Variants in RESF1 observed in about 807,000 individuals in gnomAD.
RESF1 encodes the protein retroelement silencing factor 1.
A neutral mutation model predicts 134.7 loss-of-function variants in RESF1; 65 were observed. That is an observed-to-expected ratio of 0.48 (90% confidence interval 0.40 to 0.59). The LOEUF (loss-of-function observed/expected upper bound fraction) is 0.59. RESF1 is among the 20% of genes least tolerant of loss of function. RESF1 has a pLI of 0.00. For missense variants in RESF1, 2,274 were observed against 2,002.7 expected (o/e 1.14, Z -2.59); for synonymous variants, 762 against 702.2 (o/e 1.09, Z -1.35).
In RESF1 at chr12:31,981,651, A is replaced by G. The variant is rs139111878; in HGVS notation, c.696A>G (p.Gln232=). ...GCTTTTTACCAGATTCTACCATTCA[A>G]AAACAAAACTTTATACCACATACAT... ...PQSFLPDSTI[Q]KQNFIPHTSL... Residue 232 remains glutamine, a synonymous_variant, in exon 4 of 6, where the codon CAA becomes CAG. Transcript: ENST00000312561. The G allele has an allele frequency of 7.4e-5, 120 of 1,614,060 alleles. No homozygotes were observed. In the African/African-American group the frequency reaches 1.3e-3, roughly 17 times the overall value.
Position 31,984,011 on chromosome 12 carries a change from A to T in RESF1, c.3056A>T (p.Asp1019Val). The change falls in exon 4 of 6, where the codon GAT becomes GTT. Residue 1019 changes from aspartate (D) to valine (V), a missense_variant. Asp to Val is a radical substitution (Grantham distance 152). Transcript: ENST00000312561. ...TGCTCGTCAGCTGCTATTCAGGAGG[A>T]TATTTACCCTCAGGAAATAGATGCA... ...DTCSSAAIQEDIYPQEIDASS... is the reference protein window; with the variant it reads ...DTCSSAAIQEVIYPQEIDASS... The T allele has an allele frequency of 6.2e-7, 1 of 1,613,996 alleles. No homozygotes were observed. The highest frequency in any genetic ancestry group is 8.5e-7 in the Non-Finnish European group (1 of 1,179,964).
chr12:31,974,225 A>G (rs1255025645), intron 3 of RESF1, among the ~76,000 whole-genome samples: 2 of 151,782 alleles, frequency 1.3e-5, no homozygotes, highest in Non-Finnish European at 2.9e-5. Flanking sequence ...AGGAGATTAC[A>G]AAGGTCTCAG....
At chr12:31,990,101 T>C (rs1266656059) in intron 5 of RESF1, among the ~76,000 whole-genome samples, 1 of 151,992 alleles carries the variant, frequency 6.6e-6, no homozygotes, top group Non-Finnish European at 1.5e-5. Flanking sequence ...CATGATTATC[T>C]CAAAGAGAAA....
In RESF1 at chr12:31,981,472, T is replaced by A. The variant is rs1939789521; in HGVS notation, c.517T>A (p.Ser173Thr). Residue 173 changes from serine (S) to threonine (T), a missense_variant, in exon 4 of 6, where the codon TCT becomes ACT. Transcript: ENST00000312561. ...GCAAATGCAGATGATCCCTTCTAAT[T>A]CTACACGACTTCCTGTAGCTTACCA... ...SMQMQMIPSN[S>T]TRLPVAYQGN... The A allele has an allele frequency of 3.7e-6, 6 of 1,614,058 alleles. No homozygotes were observed. The highest frequency in any genetic ancestry group is 5.1e-6 in the Non-Finnish European group (6 of 1,180,016).
At position 31,981,582 on chromosome 12, in the gene RESF1, A is replaced by C. The variant is rs1302778353; in HGVS notation, c.627A>C (p.Pro209=). 1 of 1,614,078 alleles carries C rather than the reference A, an allele frequency of 6.2e-7. No individual in the cohort carries two copies. Among genetic ancestry groups the C allele is most frequent in the Admixed American group, 1.7e-5 (1 of 59,994 alleles). Residue 209 remains proline, a synonymous_variant, in exon 4 of 6, where the codon CCA becomes CCC. Coordinates refer to ENST00000312561, the MANE Select transcript of RESF1 (RefSeq NM_018169.4). ...QQCISKGLTY[P]DYRPPPKLYR... Reference sequence around the variant, plus strand: ...GTATATCTAAGGGACTGACTTACCCAGATTACAGACCACCTCCAAAGCTAT... The same window carrying C: ...GTATATCTAAGGGACTGACTTACCCCGATTACAGACCACCTCCAAAGCTAT...
Position 31,984,693 on chromosome 12 carries a change from T to G in RESF1, c.3738T>G (p.Ser1246Arg), listed in dbSNP as rs751302743. 9 of 1,591,254 alleles carry G rather than the reference T, an allele frequency of 5.7e-6. No homozygotes were observed. The highest frequency in any genetic ancestry group is 6.8e-6 in the Non-Finnish European group (8 of 1,174,552). Residue 1246 changes from serine to arginine, a missense_variant, in exon 4 of 6, where the codon AGT becomes AGG. Transcript: ENST00000312561. ...CAAAGACTCCTCCAGATGGGAAAAGTCATTTTCCTGAACTACAAGACGACA... is the reference window on the plus strand; with the variant it reads ...CAAAGACTCCTCCAGATGGGAAAAGGCATTTTCCTGAACTACAAGACGACA... ...NNPKTPPDGK[S>R]HFPELQDDSR... is the part of the protein sequence containing the mutation.
At chr12:31,991,548 CTG>C (rs1163351787) in intron 5 of RESF1, among the ~76,000 whole-genome samples, 2 of 152,190 alleles carry the variant, frequency 1.3e-5, no homozygotes, top group African/African-American at 4.8e-5. Context: ...GATTTCTTGA[CTG>C]TGATGGTATG....
chr12:31,992,715 T>C lies in RESF1; in HGVS notation c.*180T>C. On this transcript the variant is annotated 3_prime_UTR_variant, in exon 6 of 6. Coordinates refer to ENST00000312561, the MANE Select transcript of RESF1 (RefSeq NM_018169.4). The stretch of plus-strand genomic sequence containing the variant: ...GGCTTGAGAACTTTGGGTAGCCATG[T>C]GTAAGAAATGGATGGTATTCACCGG... 1 of 627,134 alleles carries C rather than the reference T, an allele frequency of 1.6e-6. No homozygotes were observed. The highest frequency in any genetic ancestry group is 2.8e-6 in the Non-Finnish European group (1 of 354,502). The allele number at this position is 627,134 out of a possible 1,614,324, so 38.8% of individuals were successfully genotyped here. A position where few individuals can be genotyped will look rare whatever the true frequency, so the allele number is the denominator to read the frequency against.
In RESF1 at chr12:31,983,537, A is replaced by T; in HGVS notation, c.2582A>T (p.Lys861Ile). The change falls in exon 4 of 6, where the codon AAA becomes ATA. Residue 861 changes from lysine to isoleucine, a missense_variant. Physicochemically the swap from Lys to Ile is moderately radical, Grantham distance 102 (BLOSUM62 -3). Transcript: ENST00000312561. ...TPNVNQGKHNKLESAIHSPMN... is the reference protein window; with the variant it reads ...TPNVNQGKHNILESAIHSPMN... ...AATGTCAATCAAGGAAAGCATAACA[A>T]ATTAGAGTCAGCTATCCATTCTCCT... is the stretch of plus-strand genomic sequence containing the variant. The T allele has an allele frequency of 2.5e-6, 4 of 1,614,136 alleles. No homozygotes were observed. Among genetic ancestry groups the T allele is most frequent in the Non-Finnish European group, 3.4e-6 (4 of 1,180,002 alleles).
rs1234629831 is a variant in RESF1 at position 31,960,810 on chromosome 12, T to G, written c.-308T>G. On this transcript the variant is annotated 5_prime_UTR_variant, in exon 2 of 6. Transcript: ENST00000312561. Reference sequence around the variant, plus strand: ...AAGTAAACACTGTGTGGAGAGGGACTGACGTGTTTGGAGGGAAATGGGAAT... The same window carrying G: ...AAGTAAACACTGTGTGGAGAGGGACGGACGTGTTTGGAGGGAAATGGGAAT... 1 of 152,224 alleles carries G rather than the reference T, an allele frequency of 6.6e-6. No individual in the cohort carries two copies. The highest frequency in any genetic ancestry group is 1.5e-5 in the Non-Finnish European group (1 of 68,020). The allele number at this position is 152,224 out of a possible 1,614,324, so 9.4% of individuals were successfully genotyped here.
rs766979939 is a variant in RESF1 at position 31,983,800 on chromosome 12, A to C, written c.2845A>C (p.Asn949His). The C allele has an allele frequency of 1.9e-6, 3 of 1,612,654 alleles. No homozygotes were observed. Among genetic ancestry groups the C allele is most frequent in the South Asian group, 2.2e-5 (2 of 90,912 alleles). Reference sequence around the variant, plus strand: ...AAAACAATTAGATAATACCACTGAAAATAAAGACTTTGGTTTTCAAAAAGA... The same window carrying C: ...AAAACAATTAGATAATACCACTGAACATAAAGACTTTGGTTTTCAAAAAGA... The part of the protein sequence containing the change: ...PEKQLDNTTE[N>H]KDFGFQKDKP... Residue 949 changes from asparagine to histidine, a missense_variant, in exon 4 of 6, where the codon AAT (asparagine) becomes CAT (histidine). Physicochemically the swap from Asn to His is moderately conservative, Grantham distance 68. Coordinates refer to ENST00000312561, the MANE Select transcript of RESF1 (RefSeq NM_018169.4).
At chr12:31,969,459 G>A (rs1338686223) in intron 2 of RESF1, among the ~76,000 whole-genome samples, 1 of 152,126 alleles carries the variant, frequency 6.6e-6, no homozygotes, top group Non-Finnish European at 1.5e-5. Flanking sequence ...AGCTGAGATC[G>A]TGCCACTACA....
At chr12:31,979,519 T>C (rs1939721696) in intron 3 of RESF1, among the ~76,000 whole-genome samples, 1 of 151,958 alleles carries the variant, frequency 6.6e-6, no homozygotes, top group Non-Finnish European at 1.5e-5. Flanking sequence ...GAAGCTCGGC[T>C]CATCACATCT....
At chr12:31,974,550 G>A (rs1274242886) in intron 3 of RESF1, among the ~76,000 whole-genome samples, 2 of 152,024 alleles carry the variant, frequency 1.3e-5, no homozygotes, top group Admixed American at 6.6e-5. Context: ...GGCCGACATC[G>A]CTGGTGTCCC....
At chr12:31,971,658 C>T (rs915019630) in intron 3 of RESF1, among the ~76,000 whole-genome samples, 6 of 152,092 alleles carry the variant, frequency 3.9e-5, no homozygotes, top group African/African-American at 1.4e-4. Context: ...TCCTAAAATT[C>T]GAGCAGTCTC....
chr12:31,965,889 CAAAAA>C (rs10665492), intron 2 of RESF1, among the ~76,000 whole-genome samples: 3 of 114,052 alleles, frequency 2.6e-5, no homozygotes, highest in African/African-American at 6.7e-5. Context: ...GACTTCGTCT[CAAAAA>C]AAAAAAAAAA....
In RESF1 at chr12:31,959,449, G is replaced by C. The variant is rs1434163125; in HGVS notation, c.-384G>C. 1 of 152,384 alleles carries C rather than the reference G, an allele frequency of 6.6e-6. No homozygotes were observed. Among genetic ancestry groups the C allele is most frequent in the African/African-American group, 2.4e-5 (1 of 41,460 alleles). The allele number at this position is 152,384 out of a possible 1,614,324, so 9.4% of individuals were successfully genotyped here. A position where few individuals can be genotyped will look rare whatever the true frequency, so the allele number is the denominator to read the frequency against. On this transcript the variant is annotated 5_prime_UTR_variant, in exon 1 of 6. Coordinates refer to ENST00000312561, the MANE Select transcript of RESF1 (RefSeq NM_018169.4). ...AAACTCTGGGGCCCGGGAGGCCGCC[G>C]GTTTTCTCCCCGCTTGCCGGGGTGG... is the stretch of plus-strand genomic sequence containing the variant.
intron 4 of RESF1, 198 bp from the exon 5 acceptor site, chr12:31,987,041 A>G (rs762544305): frequency 9.0e-6 from 4 of 445,804 alleles, no homozygotes; most frequent in Non-Finnish European, 1.6e-5. Flanking sequence ...TACATAGTAA[A>G]GATAAACTCA....
chr12:31,965,236 C>T (rs1219847252), intron 2 of RESF1, among the ~76,000 whole-genome samples: 29 of 152,144 alleles, frequency 1.9e-4, no homozygotes, highest in Admixed American at 1.9e-3. Flanking sequence ...GAATTACAGG[C>T]GTGAGCCACT....
Sources: gnomAD v4.1 joint callset for allele counts (sites outside exome capture counted in the v4.1 genomes callset) on GRCh38, gnomAD v4.1.1 for gene constraint, MANE v1.5 for transcripts, NCBI Gene and HGNC (gene_info 2026-07-23, HGNC 2026-07-21) for gene names.